Variants in AKNA observed in about 807,000 individuals in gnomAD.
AKNA encodes the protein microtubule organization protein AKNA.
Under a neutral mutation model 138.8 loss-of-function variants are expected in AKNA, and 67 were observed. The ratio of observed to expected loss-of-function variants is 0.48; its 90% CI spans 0.40 to 0.59. The LOEUF (loss-of-function observed/expected upper bound fraction) is 0.59. AKNA is among the 20% of genes least tolerant of loss of function. AKNA has a pLI of 0.00. For synonymous variants in AKNA, 737 were observed against 754.4 expected (o/e 0.98, Z 0.38); for missense variants, 1,813 against 1,880.4 (o/e 0.96, Z 0.66).
At chr9:114,364,734 GTTT>G in intron 6 of AKNA, 115 bp from the exon 7 acceptor site, 1 of 1,098,256 alleles carries the variant, frequency 9.1e-7, no homozygotes, top group Non-Finnish European at 1.4e-6. Flanking sequence ...AGGATGTGGG[GTTT>G]CTGCCAAGCA....
At position 114,335,058 on chromosome 9, in the gene AKNA, C is replaced by G. The variant is rs796299891; in HGVS notation, c.*1996G>C. The G allele has an allele frequency of 1.3e-5, 2 of 152,176 alleles. No individual in the cohort carries two copies. Among genetic ancestry groups the G allele is most frequent in the Non-Finnish European group, 2.9e-5 (2 of 68,044 alleles). 9.4% of individuals were successfully genotyped at this position (152,176 alleles called of 1,614,324 possible). A position where few individuals can be genotyped will look rare whatever the true frequency, so the allele number is the denominator to read the frequency against. On this transcript the variant is annotated 3_prime_UTR_variant, in exon 22 of 22. Coordinates refer to ENST00000374088, the MANE Select transcript of AKNA (RefSeq NM_001317950.2). ...TTTCAGTGTTACTTTCAGTGAGACA[C>G]CATTTTCAACCATACTCAGGAGGAT...
In AKNA at chr9:114,357,914, G is replaced by T; in HGVS notation, c.2739+7C>A. On this transcript the variant is annotated splice_region_variant and intron_variant, in intron 12 of 21. Transcript: ENST00000374088. Reference sequence around the variant, plus strand: ...TTCTGGGCCCATTCCCCCATGTGGAGACTTACCTCCAGGTGGGGCCCACCG... The same window carrying T: ...TTCTGGGCCCATTCCCCCATGTGGATACTTACCTCCAGGTGGGGCCCACCG... The T allele has an allele frequency of 6.3e-7, 1 of 1,595,848 alleles. No individual in the cohort carries two copies. Among genetic ancestry groups the T allele is most frequent in the South Asian group, 1.1e-5 (1 of 88,458 alleles).
intron 11 of AKNA, chr9:114,359,260 G>A: frequency 5.8e-6 from 2 of 342,618 alleles, no homozygotes; most frequent in East Asian, 7.4e-5. Context: ...GTTGAGATGG[G>A]GCTTTGCCGT....
intron 14 of AKNA, among the ~76,000 whole-genome samples, chr9:114,352,486 A>C (rs1831195201): frequency 6.6e-6 from 1 of 151,648 alleles, no homozygotes; most frequent in Non-Finnish European, 1.5e-5. Context: ...AGTCCCAGCT[A>C]CTCGCGAGGC....
upstream of AKNA, chr9:114,388,132 G>A: frequency 3.8e-6 from 1 of 263,618 alleles, no homozygotes; most frequent in South Asian, 3.1e-5. Context: ...TGCGTGCAGA[G>A]CAAGAGCTGG....
chr9:114,374,548 C>T (rs1276840492), intron 3 of AKNA, among the ~76,000 whole-genome samples: 1 of 152,218 alleles, frequency 6.6e-6, no homozygotes, highest in Non-Finnish European at 1.5e-5. Flanking sequence ...CCCCCTGCTG[C>T]ACTGTCGGTG....
intron 2 of AKNA, among the ~76,000 whole-genome samples, chr9:114,378,902 C>T (rs531181779): frequency 1.3e-5 from 2 of 152,352 alleles, no homozygotes; most frequent in East Asian, 3.9e-4. Context: ...CAGGCATAGA[C>T]TCTCTGTTCA....
downstream of AKNA, among the ~76,000 whole-genome samples, chr9:114,331,321 C>A (rs1010495778): frequency 3.9e-5 from 6 of 152,100 alleles, no homozygotes; most frequent in Non-Finnish European, 8.8e-5. Context: ...TTTTCCTCCT[C>A]TGTAAAACGG....
At chr9:114,379,567 C>T (rs189900444) in intron 2 of AKNA, among the ~76,000 whole-genome samples, 187 of 152,332 alleles carry the variant, frequency 1.2e-3, no homozygotes, top group Non-Finnish European at 2.1e-3. Context: ...CAATCCACTA[C>T]CAGAGGAGGC....
At chr9:114,331,791 C>T (rs776596119), downstream of AKNA, 99 of 1,606,236 alleles carry the variant, frequency 6.2e-5, 1 homozygote, top group Admixed American at 3.0e-4. Flanking sequence ...CGGGCCCCAC[C>T]ATGTCCCCAG....
chr9:114,392,613 CTG>C (rs1273911138), upstream of AKNA, among the ~76,000 whole-genome samples: 1 of 152,256 alleles, frequency 6.6e-6, no homozygotes, highest in Non-Finnish European at 1.5e-5. Flanking sequence ...CACAGAATGA[CTG>C]TTCACAAATA....
At chr9:114,373,179 G>C (rs535738495) in intron 4 of AKNA, among the ~76,000 whole-genome samples, 1 of 152,366 alleles carries the variant, frequency 6.6e-6, no homozygotes, top group African/African-American at 2.4e-5. Context: ...GATGAGGCAA[G>C]AGGAGGGCAC....
At chr9:114,357,003 A>G (rs749232389) in intron 12 of AKNA, 34 bp from the exon 13 acceptor site, 1 of 1,561,500 alleles carries the variant, frequency 6.4e-7, no homozygotes. Flanking sequence ...TGTCTGAGGA[A>G]TGTGTCCAAG....
Position 114,337,013 on chromosome 9 carries a change from G to GGGCCCCCC in AKNA, c.*40_*41insGGGGGGCC. The GGGCCCCCC allele has an allele frequency of 3.4e-6, 4 of 1,185,370 alleles. No homozygotes were observed. Among genetic ancestry groups the GGGCCCCCC allele is most frequent in the Non-Finnish European group, 4.3e-6 (4 of 921,704 alleles). 73.4% of individuals were successfully genotyped at this position (1,185,370 alleles called of 1,614,324 possible). On this transcript the variant is annotated 3_prime_UTR_variant, in exon 22 of 22. Coordinates refer to ENST00000374088, the MANE Select transcript of AKNA (RefSeq NM_001317950.2). Reference sequence around the variant, plus strand: ...CCACTCCTGGCCTGGCAGGCCACCTGCCCACCCACCCACCCATCTGCCTCT... The same window carrying GGGCCCCCC: ...CCACTCCTGGCCTGGCAGGCCACCTGGGCCCCCCCCCACCCACCCACCCATCTGCCTCT...
At chr9:114,387,600 C>T (rs1171585510) in intron 1 of AKNA, among the ~76,000 whole-genome samples, 1 of 152,232 alleles carries the variant, frequency 6.6e-6, no homozygotes, top group Non-Finnish European at 1.5e-5. Flanking sequence ...GAGATGGACC[C>T]GCCTACCCAA....
chr9:114,358,924 T>A (rs912116250), intron 11 of AKNA, among the ~76,000 whole-genome samples: 1 of 152,018 alleles, frequency 6.6e-6, no homozygotes, highest in Non-Finnish European at 1.5e-5. Flanking sequence ...TGTATACATA[T>A]GTAACAAACC....
chr9:114,361,130 A>G (rs1057473004), intron 9 of AKNA, among the ~76,000 whole-genome samples: 1 of 152,134 alleles, frequency 6.6e-6, no homozygotes, highest in African/African-American at 2.4e-5. Context: ...GCAGAGTTTA[A>G]GGCCATGCTC....
At chr9:114,391,127 T>G (rs371133293), upstream of AKNA, among the ~76,000 whole-genome samples, 1 of 152,160 alleles carries the variant, frequency 6.6e-6, no homozygotes, top group South Asian at 2.1e-4. Flanking sequence ...CATTTCACAG[T>G]TGGGTAAACA....
At chr9:114,379,689 C>T (rs895486363) in intron 2 of AKNA, among the ~76,000 whole-genome samples, 7 of 152,152 alleles carry the variant, frequency 4.6e-5, no homozygotes, top group East Asian at 1.9e-4. Flanking sequence ...CTATTCTCCA[C>T]GATATGATTC....
Sources: allele counts gnomAD v4.1 joint callset (sites outside exome capture counted in the v4.1 genomes callset), GRCh38; gene constraint gnomAD v4.1.1; transcripts MANE v1.5; gene names NCBI Gene and HGNC (gene_info 2026-07-23, HGNC 2026-07-21).